The following SH3KBP1 variants were observed in gnomAD, a reference collection of about 807,000 sequenced individuals.
SH3KBP1 encodes the protein SH3 domain-containing kinase-binding protein 1.
SH3KBP1 carries 8 observed loss-of-function variants against 50.1 expected under a neutral mutation model. That is an observed-to-expected ratio of 0.16 (90% CI 0.09 to 0.29). The LOEUF is 0.29. Ranked by LOEUF, SH3KBP1 falls within the 10% of genes least tolerant of loss-of-function variation. The pLI is 1.00. For synonymous variants in SH3KBP1, 227 were observed against 218.6 expected (o/e 1.04, Z -0.34); for missense variants, 377 against 535.2 (o/e 0.70, Z 2.92).
chrX:19,609,607 C>T (rs1042735670), intron 8 of SH3KBP1, among the ~76,000 whole-genome samples: 5 of 111,954 alleles, frequency 4.5e-5, no homozygotes, highest in Admixed American at 9.5e-5. Context: ...ATGGTCTCCA[C>T]GACACCAGTG....
intron 13 of SH3KBP1, among the ~76,000 whole-genome samples, chrX:19,557,219 GT>G (rs1487983092): frequency 9.0e-6 from 1 of 111,539 alleles, no homozygotes; most frequent in African/African-American, 3.3e-5. Context: ...AACGTTGCTT[GT>G]TTTTTTTCTA....
chrX:19,760,023 CCTCT>C (rs375944570), intron 2 of SH3KBP1, among the ~76,000 whole-genome samples: 3 of 83,580 alleles, frequency 3.6e-5, no homozygotes, highest in African/African-American at 5.9e-5. Context: ...CTCTCTCTCT[CCTCT>C]CTCTCTCTCT....
intron 3 of SH3KBP1, among the ~76,000 whole-genome samples, chrX:19,716,882 G>A (rs1239571763): frequency 9.0e-6 from 1 of 111,474 alleles, no homozygotes; most frequent in African/African-American, 3.3e-5. Flanking sequence ...AAGGCAGATT[G>A]GGAGTGAGTT....
At chrX:19,821,705 A>G (rs2067533671) in intron 2 of SH3KBP1, among the ~76,000 whole-genome samples, 1 of 109,685 alleles carries the variant, frequency 9.1e-6, no homozygotes, top group Non-Finnish European at 1.9e-5. Context: ...ATTTTTTTGT[A>G]TTTTTAGTAG....
At chrX:19,870,622 A>T (rs1011348621) in intron 1 of SH3KBP1, among the ~76,000 whole-genome samples, 2 of 112,065 alleles carry the variant, frequency 1.8e-5, no homozygotes, top group East Asian at 5.6e-4. Context: ...CTGGGATTAG[A>T]AGCGTGAGCC....
intron 2 of SH3KBP1, chrX:19,747,601 A>G (rs1189821893): frequency 5.9e-6 from 2 of 340,124 alleles, no homozygotes; most frequent in Non-Finnish European, 1.2e-5. Flanking sequence ...GAAAGCAACA[A>G]AAGTTTGTCA....
At chrX:19,864,557 G>T (rs758426726) in intron 1 of SH3KBP1, among the ~76,000 whole-genome samples, 4 of 111,561 alleles carry the variant, frequency 3.6e-5, no homozygotes, top group Non-Finnish European at 7.5e-5. Context: ...TGAAGATGGA[G>T]GAAGGGGTCA....
At chrX:19,690,361 A>G (rs2063259973) in intron 5 of SH3KBP1, among the ~76,000 whole-genome samples, 1 of 111,362 alleles carries the variant, frequency 9.0e-6, no homozygotes, top group African/African-American at 3.3e-5. Flanking sequence ...CCTGGCCTCC[A>G]TCTTCATCTT....
intron 1 of SH3KBP1, among the ~76,000 whole-genome samples, chrX:19,860,280 T>TAAAA (rs35933756): frequency 7.3e-5 from 3 of 41,361 alleles, no homozygotes; most frequent in Non-Finnish European, 1.3e-4. Context: ...ATCCCACCTC[T>TAAAA]AAAAAAAAAA....
intron 5 of SH3KBP1, among the ~76,000 whole-genome samples, chrX:19,692,279 G>A (rs2063307349): frequency 9.0e-6 from 1 of 110,829 alleles, no homozygotes; most frequent in Non-Finnish European, 1.9e-5. Flanking sequence ...AACCAACCAC[G>A]ATATGGAAAA....
chrX:19,600,932 G>T (rs1258401203), intron 9 of SH3KBP1, among the ~76,000 whole-genome samples: 1 of 111,654 alleles, frequency 9.0e-6, no homozygotes, highest in Non-Finnish European at 1.9e-5. Context: ...GCCCAGAAAG[G>T]CTGTTTCAAC....
intron 9 of SH3KBP1, among the ~76,000 whole-genome samples, chrX:19,607,072 G>T (rs1045595638): frequency 1.8e-5 from 2 of 112,568 alleles, no homozygotes; most frequent in Non-Finnish European, 3.8e-5. Flanking sequence ...TCCATTAAAT[G>T]CTACTTTAGT....
intron 7 of SH3KBP1, among the ~76,000 whole-genome samples, chrX:19,634,031 GGTGTGT>G (rs60109180): frequency 0.13 from 4,310 of 32,027 alleles, 481 homozygotes; most frequent in East Asian, 0.18. Flanking sequence ...TTTGTTCCCT[GGTGTGT>G]GTGTGTGTGT....
intron 3 of SH3KBP1, among the ~76,000 whole-genome samples, chrX:19,714,757 C>G (rs776581964): frequency 8.9e-6 from 1 of 112,083 alleles, no homozygotes; most frequent in South Asian, 3.6e-4. Flanking sequence ...TGTATGATCT[C>G]TAATTGAATT....
At chrX:19,570,987 C>CACA (rs1480521157) in intron 12 of SH3KBP1, among the ~76,000 whole-genome samples, 2 of 111,582 alleles carry the variant, frequency 1.8e-5, no homozygotes, top group Non-Finnish European at 3.8e-5. Flanking sequence ...GCGCATTTGG[C>CACA]ACAACATGCA....
intron 6 of SH3KBP1, among the ~76,000 whole-genome samples, chrX:19,649,306 G>T (rs2062067292): frequency 8.9e-6 from 1 of 111,860 alleles, no homozygotes; most frequent in Non-Finnish European, 1.9e-5. Flanking sequence ...TTTGCCATAT[G>T]ACTTTATAGA....
rs780366275 is a variant in SH3KBP1 at position 19,639,979 on chromosome X, G to C, written c.802+5421C>G. ...AAAAATGAGCTGCACTGAGTAAGTA[G>C]CAATCTGCCCAGCCATTCTTGAGGC... On this transcript the variant is annotated intron_variant, in intron 7 of 17. Coordinates refer to ENST00000397821, the MANE Select transcript of SH3KBP1 (RefSeq NM_031892.3). 1.3e-3 allele frequency among the ~76,000 whole-genome samples: 130 copies of C among 102,143 alleles called. 1 individual carries two copies. The highest frequency in any genetic ancestry group is 4.6e-3 in the African/African-American group (126 of 27,276). The allele number at this position is 102,143 out of a possible 115,157, so 88.7% of individuals were successfully genotyped here.
At chrX:19,782,835 G>A (rs79713808) in intron 2 of SH3KBP1, among the ~76,000 whole-genome samples, 216 of 111,614 alleles carry the variant, frequency 1.9e-3, no homozygotes, top group African/African-American at 6.6e-3. Context: ...GGTCAGGTGC[G>A]GTGGCTCATG....
At chrX:19,562,599 G>C (rs893670370) in intron 13 of SH3KBP1, among the ~76,000 whole-genome samples, 1 of 111,720 alleles carries the variant, frequency 9.0e-6, no homozygotes, top group East Asian at 2.8e-4. Context: ...TACGGTCTCA[G>C]CATGTAGCAA....
Sources: allele counts gnomAD v4.1 joint callset (sites outside exome capture counted in the v4.1 genomes callset), GRCh38; gene constraint gnomAD v4.1.1; transcripts MANE v1.5; gene names NCBI Gene and HGNC (gene_info 2026-07-23, HGNC 2026-07-21).